The following PRKDC variants were observed in gnomAD, a reference collection of about 807,000 sequenced individuals.
PRKDC encodes protein kinase, DNA-activated, catalytic subunit, also known as DNA-dependent protein kinase catalytic subunit.
A neutral mutation model predicts 486.9 loss-of-function variants in PRKDC; 82 were observed. The observed-to-expected ratio is 0.17, with a 90% CI of 0.14 to 0.20. The LOEUF is 0.20. Among genes scored for constraint, PRKDC ranks in the 10% least tolerant of loss-of-function variants. PRKDC has a pLI of 1.00. For synonymous variants in PRKDC, 1,895 were observed against 1,837.0 expected, an observed-to-expected ratio of 1.03 and a Z score of -0.81; for missense variants, 4,504 against 5,038.2, an observed-to-expected ratio of 0.89 and a Z score of 3.21.
At chr8:47,947,227 CT>C (rs1164306067) in intron 7 of PRKDC, among the ~76,000 whole-genome samples, 1 of 152,196 alleles carries the variant, frequency 6.6e-6, no homozygotes, top group African/African-American at 2.4e-5. Context: ...AGCTGTCTCC[CT>C]CTCCTCCTTC....
At chr8:47,861,966 C>G (rs1308874040) in intron 44 of PRKDC, 96 bp downstream of exon 44, 1 of 997,022 alleles carries the variant, frequency 1.0e-6, no homozygotes, top group Non-Finnish European at 1.5e-6. Flanking sequence ...TTGTTGAAAG[C>G]CGACTTGAAT....
rs2087806000 is a variant in PRKDC, at chr8:47,829,114, T to G, written c.8398-767A>C. Among the ~76,000 whole-genome samples the G allele has an allele frequency of 2.0e-5, 3 of 152,236 alleles. No homozygotes were observed. The East Asian group carries it at 5.8e-4, about 29-fold the overall frequency. On this transcript the variant is annotated intron_variant, in intron 61 of 85. Coordinates refer to ENST00000314191, the MANE Select transcript of PRKDC (RefSeq NM_006904.7). ...TACTTTGTGTAATCTTCTAGGGATCTTCCCTGTTAATAAGTTTTCTATCAT... is the reference window on the plus strand; with the variant it reads ...TACTTTGTGTAATCTTCTAGGGATCGTCCCTGTTAATAAGTTTTCTATCAT...
chr8:47,938,809 G>A (rs897963037), intron 11 of PRKDC, among the ~76,000 whole-genome samples: 4 of 152,146 alleles, frequency 2.6e-5, no homozygotes, highest in South Asian at 4.1e-4. Flanking sequence ...CAATCTGCCC[G>A]CCTCGGCCTC....
chr8:47,937,167 A>C (rs1356968558), intron 11 of PRKDC, among the ~76,000 whole-genome samples: 2 of 151,624 alleles, frequency 1.3e-5, no homozygotes, highest in Non-Finnish European at 2.9e-5. Context: ...AGGCTGAGGC[A>C]GGAGAATCAC....
At chr8:47,799,419 A>G in intron 71 of PRKDC, 29 bp from the exon 72 acceptor site, 1 of 1,460,608 alleles carries the variant, frequency 6.8e-7, no homozygotes, top group Non-Finnish European at 9.0e-7. Flanking sequence ...TAAACCCATG[A>G]GCATGACTGA....
intron 40 of PRKDC, among the ~76,000 whole-genome samples, chr8:47,871,010 G>A (rs1198195322): frequency 2.0e-5 from 3 of 152,130 alleles, no homozygotes; most frequent in Non-Finnish European, 4.4e-5. Context: ...TGAACATGTA[G>A]GCAGGCTATT....
chr8:47,832,074 CAACTGG>C (rs2087895200), intron 59 of PRKDC, 148 bp from the exon 60 acceptor site: 1 of 671,276 alleles, frequency 1.5e-6, no homozygotes, highest in Admixed American at 2.6e-5. Context: ...GCCACAGCTG[CAACTGG>C]AACTGCTCAG....
At chr8:47,793,472 G>A (rs571088707) in intron 74 of PRKDC, among the ~76,000 whole-genome samples, 2 of 151,158 alleles carry the variant, frequency 1.3e-5, no homozygotes, top group South Asian at 2.1e-4. Context: ...AAACCCTGTC[G>A]CTACTAAAAA....
intron 76 of PRKDC, 88 bp from the exon 77 acceptor site, chr8:47,785,405 T>C (rs1468251820): frequency 2.0e-6 from 2 of 1,006,048 alleles, no homozygotes; most frequent in Non-Finnish European, 3.0e-6. Flanking sequence ...ATGAATGGAG[T>C]GCTCAATGGT....
At chr8:47,820,571 T>A in intron 66 of PRKDC, 148 bp downstream of exon 66, 1 of 404,920 alleles carries the variant, frequency 2.5e-6, no homozygotes, top group East Asian at 4.3e-5. Context: ...GGTATGAAAA[T>A]AGTACTTGAA....
chr8:47,852,170 T>C (rs2088422327), intron 52 of PRKDC, among the ~76,000 whole-genome samples: 1 of 152,190 alleles, frequency 6.6e-6, no homozygotes, highest in African/African-American at 2.4e-5. Flanking sequence ...AGTCCTCTTA[T>C]CTGAACAGCG....
chr8:47,858,034 G>A (rs2088584341), intron 48 of PRKDC, among the ~76,000 whole-genome samples: 1 of 152,112 alleles, frequency 6.6e-6, no homozygotes, highest in African/African-American at 2.4e-5. Flanking sequence ...CTCCTTCCCT[G>A]CCTAGTGCAA....
intron 40 of PRKDC, among the ~76,000 whole-genome samples, chr8:47,871,752 C>T (rs1044690620): frequency 1.3e-5 from 2 of 152,208 alleles, no homozygotes; most frequent in Admixed American, 1.3e-4. Flanking sequence ...GCACCCGCCA[C>T]CACGCCTGGC....
At position 47,799,315 on chromosome 8, in the gene PRKDC, G is replaced by A. The variant is rs2087049268; in HGVS notation, c.10192C>T (p.Pro3398Ser). The change falls in exon 72 of 86, where the codon CCT becomes TCT. Residue 3398 changes from proline (P) to serine (S), a missense_variant. Transcript: ENST00000314191. ...GCAGGCCCACAGCTCCAGGAGGGAG[G>A]CTGGGCCTCCTCCTCAGCCGCCTGC... ...AVQAAEEEAQ[P>S]PSWSCGPAAG... 1 of 1,612,884 alleles carries A rather than the reference G, an allele frequency of 6.2e-7. No homozygotes were observed. The highest frequency in any genetic ancestry group is 8.5e-7 in the Non-Finnish European group (1 of 1,179,824).
Position 47,782,718 on chromosome 8 carries a change from G to A in PRKDC, c.11176-120C>T. The stretch of plus-strand genomic sequence containing the variant: ...GCCGCCCTCTGAAGACAGTGCCAAA[G>A]AGCAGAGCGCCCAGGCCAGCAACGA... On this transcript the variant is annotated intron_variant, in intron 78 of 85. Transcript: ENST00000314191. The surrounding 1 kb of genome is among the most constrained non-coding windows in gnomAD (Gnocchi z 4.9). The A allele has an allele frequency of 8.8e-7, 1 of 1,130,512 alleles. No homozygotes were observed. The highest frequency in any genetic ancestry group is 1.2e-6 in the Non-Finnish European group (1 of 803,296). 70.0% of individuals were successfully genotyped at this position (1,130,512 alleles called of 1,614,324 possible).
chr8:47,900,247 C>T (rs1391531796), intron 28 of PRKDC, 126 bp downstream of exon 28: 20 of 549,862 alleles, frequency 3.6e-5, no homozygotes, highest in Non-Finnish European at 5.8e-5. Context: ...ATTCTCTTCA[C>T]ATTTATTAAT....
At chr8:47,870,342 A>G (rs1485380402) in intron 40 of PRKDC, among the ~76,000 whole-genome samples, 1 of 152,212 alleles carries the variant, frequency 6.6e-6, no homozygotes, top group African/African-American at 2.4e-5. Context: ...ATCAGCACAG[A>G]CAGAGAGACT....
intron 85 of PRKDC, among the ~76,000 whole-genome samples, chr8:47,775,564 C>T (rs2086593820): frequency 6.6e-6 from 1 of 151,166 alleles, no homozygotes; most frequent in Non-Finnish European, 1.5e-5. Flanking sequence ...GGTTATCTAT[C>T]TACCTATTAT....
Position 47,837,270 on chromosome 8 carries a change from A to C in PRKDC, c.7703T>G (p.Met2568Arg). ...ATNFLLEMTS[M>R]SPDYPNPMFE... Reference sequence around the variant, plus strand: ...CATGGGGTTTGGATAATCTGGGCTCATGCTGGTCATTTCGAGCAGAAAATT... The same window carrying C: ...CATGGGGTTTGGATAATCTGGGCTCCTGCTGGTCATTTCGAGCAGAAAATT... Residue 2568 changes from methionine to arginine, a missense_variant, in exon 57 of 86, where the codon ATG becomes AGG. Around this residue, in one of 6 missense-constraint regions of PRKDC, gnomAD observed 1,592 missense variants for 1,724.6 expected, o/e 0.92. Transcript: ENST00000314191. The C allele has an allele frequency of 1.9e-6, 3 of 1,613,954 alleles. No individual in the cohort carries two copies. Among genetic ancestry groups the C allele is most frequent in the African/African-American group, 1.3e-5 (1 of 75,066 alleles).
Sources: allele counts gnomAD v4.1 joint callset (sites outside exome capture counted in the v4.1 genomes callset), GRCh38; gene constraint gnomAD v4.1.1; regional missense constraint gnomAD v4.1.1; non-coding constraint Gnocchi (gnomAD v3.1); transcripts MANE v1.5; gene names NCBI Gene and HGNC (gene_info 2026-07-23, HGNC 2026-07-21).